The following DGKB variants were observed in gnomAD, a reference collection of about 807,000 sequenced individuals.
DGKB encodes 90 kDa diacylglycerol kinase.
In DGKB, 67 loss-of-function variants were observed where a neutral mutation model predicts 114.3. That is an observed-to-expected ratio of 0.59 (90% CI 0.48 to 0.72). DGKB has a LOEUF of 0.72. Ranked by LOEUF, DGKB falls within the 30% of genes least tolerant of loss-of-function variation. The pLI, the probability that DGKB is intolerant of heterozygous loss-of-function variation, is 0.00. For synonymous variants in DGKB, 398 were observed against 323.1 expected (o/e 1.23, Z -2.49); for missense variants, 907 against 975.2 (o/e 0.93, Z 0.93).
chr7:14,695,503 T>A (rs1288561358), intron 8 of DGKB, among the ~76,000 whole-genome samples: 3 of 121,364 alleles, frequency 2.5e-5, no homozygotes, highest in African/African-American at 1.0e-4. Context: ...TCTTTTTTTT[T>A]TTTTTTTTTT....
chr7:14,599,851 G>A (rs1357864), intron 17 of DGKB, among the ~76,000 whole-genome samples: 77,754 of 151,838 alleles, frequency 0.51, 20,357 homozygotes, highest in African/African-American at 0.61. Context: ...GGCTGGAGGT[G>A]AATTTGAGCC....
chr7:14,441,284 G>C (rs1008334691), intron 21 of DGKB, among the ~76,000 whole-genome samples: 1 of 152,132 alleles, frequency 6.6e-6, no homozygotes, highest in African/African-American at 2.4e-5. Context: ...TGGGATTACA[G>C]GCATGAGCCA....
At chr7:14,244,394 C>G (rs1049043253) in intron 23 of DGKB, among the ~76,000 whole-genome samples, 1 of 151,978 alleles carries the variant, frequency 6.6e-6, no homozygotes, top group Non-Finnish European at 1.5e-5. Flanking sequence ...CGGTGGCTCA[C>G]GCCTGTAATC....
At chr7:14,820,429 C>G (rs1331583899) in intron 2 of DGKB, among the ~76,000 whole-genome samples, 1 of 152,066 alleles carries the variant, frequency 6.6e-6, no homozygotes, top group African/African-American at 2.4e-5. Flanking sequence ...CCTATGCAAC[C>G]CCTGGCAATG....
intron 2 of DGKB, among the ~76,000 whole-genome samples, chr7:14,791,045 G>C (rs1427080044): frequency 3.3e-5 from 5 of 151,954 alleles, no homozygotes; most frequent in African/African-American, 7.2e-5. Flanking sequence ...TGCCCAAGCT[G>C]GTCTTGAACT....
At chr7:14,400,067 T>C (rs1210644063) in intron 21 of DGKB, among the ~76,000 whole-genome samples, 3 of 151,886 alleles carry the variant, frequency 2.0e-5, no homozygotes, top group African/African-American at 7.2e-5. Context: ...GAAGTGCGTG[T>C]AAAAATAGTT....
chr7:14,354,637 C>A, intron 21 of DGKB, among the ~76,000 whole-genome samples: 1 of 152,016 alleles, frequency 6.6e-6, no homozygotes, highest in African/African-American at 2.4e-5. Context: ...ACAATAAAAG[C>A]AAATTGAGAG....
chr7:14,153,088 T>G (rs1782467633), intron 25 of DGKB, among the ~76,000 whole-genome samples: 1 of 152,098 alleles, frequency 6.6e-6, no homozygotes, highest in Admixed American at 6.6e-5. Flanking sequence ...CAGATATTTG[T>G]GTTCTCTTCA....
chr7:14,602,675 C>G (rs1803772519), intron 17 of DGKB, among the ~76,000 whole-genome samples: 2 of 152,166 alleles, frequency 1.3e-5, no homozygotes, highest in Admixed American at 1.3e-4. Flanking sequence ...TCAGCAGATA[C>G]CAAATCTCCT....
chr7:14,892,603 C>T (rs188224439), intron 1 of DGKB, among the ~76,000 whole-genome samples: 163 of 151,002 alleles, frequency 1.1e-3, no homozygotes, highest in African/African-American at 3.9e-3. Context: ...TGTCAAATAT[C>T]CATCTCCACC....
chr7:14,866,238 C>T (rs1456032930), intron 1 of DGKB, among the ~76,000 whole-genome samples: 1 of 152,104 alleles, frequency 6.6e-6, no homozygotes, highest in African/African-American at 2.4e-5. Flanking sequence ...ACATTTGTTG[C>T]AACTGATGAG....
At chr7:14,692,348 C>T (rs1823016744) in intron 9 of DGKB, among the ~76,000 whole-genome samples, 1 of 151,992 alleles carries the variant, frequency 6.6e-6, no homozygotes, top group Non-Finnish European at 1.5e-5. Context: ...TTAGAATATA[C>T]AAAGTTTAGC....
chr7:14,209,542 C>T, intron 23 of DGKB: 1 of 501,146 alleles, frequency 2.0e-6, no homozygotes, highest in East Asian at 5.8e-5. Flanking sequence ...CTGCACAGAG[C>T]TCCACTCCTA....
Position 14,149,256 on chromosome 7 carries a change from G to C in DGKB, c.2305-18C>G, listed in dbSNP as rs781302688. The C allele has an allele frequency of 6.4e-7, 1 of 1,566,092 alleles. No individual in the cohort carries two copies. The highest frequency in any genetic ancestry group is 1.1e-5 in the South Asian group (1 of 89,868). On this transcript the variant is annotated intron_variant, in intron 25 of 25. Transcript: ENST00000402815. The stretch of plus-strand genomic sequence containing the variant: ...ATTTTTATCTAGAAAAAAAGAGAGA[G>C]AGAGAGAGAGAAAGAATAGAGTAAT...
intron 17 of DGKB, among the ~76,000 whole-genome samples, chr7:14,596,605 T>A (rs1001446316): frequency 6.6e-6 from 1 of 152,208 alleles, no homozygotes; most frequent in Non-Finnish European, 1.5e-5. Context: ...TAATTGGACC[T>A]CATCCTCTTT....
intron 20 of DGKB, among the ~76,000 whole-genome samples, chr7:14,542,580 C>G (rs1793638523): frequency 6.6e-6 from 1 of 152,146 alleles, no homozygotes. Flanking sequence ...TGCCTGGTCA[C>G]CTGAACCATC....
chr7:14,451,455 C>CTT (rs1417141736), intron 21 of DGKB, among the ~76,000 whole-genome samples: 18 of 151,966 alleles, frequency 1.2e-4, no homozygotes, highest in Admixed American at 5.9e-4. Flanking sequence ...ATCAGCTCTC[C>CTT]TTGATCTCCA....
chr7:14,187,513 C>A (rs1783625291), intron 23 of DGKB, among the ~76,000 whole-genome samples: 1 of 152,204 alleles, frequency 6.6e-6, no homozygotes, highest in Non-Finnish European at 1.5e-5. Context: ...GTCCAACAAC[C>A]AGCCTAGCGC....
Position 14,753,800 on chromosome 7 carries a change from C to T in DGKB, c.168+128G>A, listed in dbSNP as rs1232614337. On this transcript the variant is annotated intron_variant, in intron 4 of 25. Transcript: ENST00000402815. The stretch of plus-strand genomic sequence containing the variant: ...AGTTATAACCTATGAGTATTATAGG[C>T]AACCTTGTATACTATAGAAATCATA... 16 of 694,700 alleles carry T rather than the reference C, an allele frequency of 2.3e-5. No individual in the cohort carries two copies. In the East Asian group the frequency reaches 4.0e-4, roughly 17 times the overall value. 43.0% of individuals were successfully genotyped at this position (694,700 alleles called of 1,614,324 possible).
Sources: gnomAD v4.1 joint callset for allele counts (sites outside exome capture counted in the v4.1 genomes callset) on GRCh38, gnomAD v4.1.1 for gene constraint, MANE v1.5 for transcripts, NCBI Gene and HGNC (gene_info 2026-07-23, HGNC 2026-07-21) for gene names.